The following COL21A1 variants were observed in gnomAD, a reference collection of about 807,000 sequenced individuals.
The protein encoded by COL21A1 is collagen type XXI alpha 1 chain.
COL21A1 carries 149 observed loss-of-function variants against 137.9 expected under a neutral mutation model. The ratio of observed to expected loss-of-function variants is 1.08; its 90% CI spans 0.95 to 1.24. COL21A1 has a LOEUF of 1.24. Ranked by LOEUF, COL21A1 falls within the 50% of genes most tolerant of loss-of-function variation. The pLI is 0.00. For synonymous variants in COL21A1, 456 were observed against 391.5 expected (o/e 1.16, Z -1.95); for missense variants, 1,167 against 1,158.4 (o/e 1.01, Z -0.11).
chr6:56,263,512 G>T (rs1034436573), intron 1 of COL21A1, among the ~76,000 whole-genome samples: 7 of 152,326 alleles, frequency 4.6e-5, no homozygotes, highest in African/African-American at 1.7e-4. Flanking sequence ...AGCGTTGGAA[G>T]CTTGCCATCT....
chr6:56,161,339 C>A (rs1582520872), intron 9 of COL21A1, among the ~76,000 whole-genome samples: 1 of 152,190 alleles, frequency 6.6e-6, no homozygotes, highest in African/African-American at 2.4e-5. Context: ...GTTACCACAA[C>A]TGTTCCTCTG....
rs1776405193 is a variant in COL21A1 at position 56,164,316 on chromosome 6, A to G, written c.1371+107T>C. 9.1e-6 allele frequency: 7 copies of G among 772,886 alleles called. No homozygotes were observed. In the Middle Eastern group the frequency reaches 1.2e-3, roughly 128 times the overall value. The allele number at this position is 772,886 out of a possible 1,614,324, so 47.9% of individuals were successfully genotyped here. ...ACTGAGGTTTTAAACTCTATAAGAA[A>G]TCAGATAGAAATTTCTCAACAGGAT... On this transcript the variant is annotated intron_variant, in intron 9 of 29. Transcript: ENST00000244728.
chr6:56,160,504 A>C (rs1466919428), intron 9 of COL21A1, among the ~76,000 whole-genome samples: 1 of 152,196 alleles, frequency 6.6e-6, no homozygotes, highest in Non-Finnish European at 1.5e-5. Flanking sequence ...ATGCTAGAAA[A>C]TTTAATATGG....
intron 1 of COL21A1, among the ~76,000 whole-genome samples, chr6:56,210,417 A>G (rs540893559): frequency 6.6e-6 from 1 of 152,200 alleles, no homozygotes; most frequent in Non-Finnish European, 1.5e-5. Context: ...ATTTCAAGGT[A>G]ATAAAACATG....
At chr6:56,280,783 T>C (rs910971523) in intron 1 of COL21A1, among the ~76,000 whole-genome samples, 1 of 152,070 alleles carries the variant, frequency 6.6e-6, no homozygotes. Flanking sequence ...GAGGTCAATG[T>C]GGGTGGATTA....
intron 1 of COL21A1, among the ~76,000 whole-genome samples, chr6:56,391,276 A>G (rs561371061): frequency 6.6e-6 from 1 of 152,250 alleles, no homozygotes; most frequent in South Asian, 2.1e-4. Flanking sequence ...AAACATACCA[A>G]AACTTACAAG....
chr6:56,272,112 G>A (rs1763542184), intron 1 of COL21A1, among the ~76,000 whole-genome samples: 1 of 152,208 alleles, frequency 6.6e-6, no homozygotes, highest in South Asian at 2.1e-4. Context: ...ACCATCTCCA[G>A]ATCAGAGAAA....
intron 24 of COL21A1, among the ~76,000 whole-genome samples, chr6:56,063,243 A>T (rs1765963390): frequency 6.6e-6 from 1 of 152,170 alleles, no homozygotes; most frequent in African/African-American, 2.4e-5. Flanking sequence ...AGAAAGTGTG[A>T]TCCATAAGCC....
intron 1 of COL21A1, among the ~76,000 whole-genome samples, chr6:56,260,637 A>C (rs1763235604): frequency 2.8e-5 from 1 of 35,760 alleles, no homozygotes; most frequent in Non-Finnish European, 6.3e-5. Flanking sequence ...GGAAGGAAGG[A>C]AGGAAGGAAG....
chr6:56,067,896 A>T (rs1766401566), intron 22 of COL21A1, among the ~76,000 whole-genome samples: 1 of 151,638 alleles, frequency 6.6e-6, no homozygotes. Context: ...ATAGATAATG[A>T]AACAGCCAGT....
chr6:56,304,272 T>C (rs1764378244), intron 1 of COL21A1, among the ~76,000 whole-genome samples: 3 of 151,970 alleles, frequency 2.0e-5, no homozygotes, highest in Admixed American at 1.3e-4. Flanking sequence ...GGATTCCCTC[T>C]TTTTCTATTG....
intron 23 of COL21A1, among the ~76,000 whole-genome samples, chr6:56,067,056 A>C (rs1195493606): frequency 1.3e-5 from 2 of 150,566 alleles, no homozygotes; most frequent in Non-Finnish European, 3.0e-5. Context: ...TATATAATAA[A>C]ATTTATGTCT....
intron 1 of COL21A1, among the ~76,000 whole-genome samples, chr6:56,393,200 T>G (rs895901882): frequency 1.3e-5 from 2 of 152,116 alleles, no homozygotes; most frequent in Non-Finnish European, 2.9e-5. Flanking sequence ...ATGCACAGAT[T>G]TATAGTCAAT....
At chr6:56,343,482 T>C (rs895343517) in intron 1 of COL21A1, among the ~76,000 whole-genome samples, 1 of 152,228 alleles carries the variant, frequency 6.6e-6, no homozygotes, top group African/African-American at 2.4e-5. Context: ...ATAATTTAAA[T>C]GCTGAAACTT....
Position 56,247,372 on chromosome 6 carries a change from G to T in COL21A1, c.-39+15C>A, listed in dbSNP as rs889761257. 1 of 152,270 alleles carries T rather than the reference G, an allele frequency of 6.6e-6. No individual in the cohort carries two copies. The highest frequency in any genetic ancestry group is 2.4e-5 in the African/African-American group (1 of 41,430). 9.4% of individuals were successfully genotyped at this position (152,270 alleles called of 1,614,324 possible). On this transcript the variant is annotated intron_variant, in intron 1 of 29. Transcript: ENST00000244728. ...CATTCTGGCAGCGAGAGGGGAGTAG[G>T]AGGTGTCTCCTTACCTGGCGCAGTG... is the stretch of plus-strand genomic sequence containing the variant.
chr6:56,325,108 T>C (rs1764976864), intron 1 of COL21A1, among the ~76,000 whole-genome samples: 1 of 149,136 alleles, frequency 6.7e-6, no homozygotes, highest in South Asian at 2.1e-4. Flanking sequence ...GGTTCACCTG[T>C]TTCTCAGGGT....
intron 17 of COL21A1, among the ~76,000 whole-genome samples, chr6:56,087,491 T>C (rs536833212): frequency 9.9e-5 from 15 of 152,282 alleles, no homozygotes; most frequent in African/African-American, 3.4e-4. Flanking sequence ...AAAAGAACTT[T>C]AAAATGCAGT....
At position 56,164,414 on chromosome 6, in the gene COL21A1, GT is replaced by G. The variant is rs1271748562; in HGVS notation, c.1371+8del. 7.7e-6 allele frequency: 12 copies of G among 1,560,206 alleles called. No individual in the cohort carries two copies. The highest frequency in any genetic ancestry group is 9.6e-6 in the Non-Finnish European group (11 of 1,147,194). Reference sequence around the variant, plus strand: ...TTTTAACAAAAACAGCAAGTTAGGTGTTACCCACTTTGGGGCCTTGAAGTCC... The same window carrying G: ...TTTTAACAAAAACAGCAAGTTAGGTGTACCCACTTTGGGGCCTTGAAGTCC... On this transcript the variant is annotated splice_region_variant and intron_variant, in intron 9 of 29. Coordinates refer to ENST00000244728, the MANE Select transcript of COL21A1 (RefSeq NM_030820.4).
chr6:56,166,685 CT>C (rs1776605899), intron 7 of COL21A1: 1 of 632,118 alleles, frequency 1.6e-6, no homozygotes, highest in Non-Finnish European at 2.8e-6. Flanking sequence ...AAAACATTCC[CT>C]TGTGGTCTTT....
Sources: allele counts gnomAD v4.1 joint callset (sites outside exome capture counted in the v4.1 genomes callset), GRCh38; gene constraint gnomAD v4.1.1; transcripts MANE v1.5; gene names NCBI Gene and HGNC (gene_info 2026-07-23, HGNC 2026-07-21).